The following PCDHGB1 variants were observed in gnomAD, a reference collection of about 807,000 sequenced individuals.
PCDHGB1 encodes the protein protocadherin gamma-B1.
PCDHGB1 carries 34 observed loss-of-function variants against 56.6 expected under a neutral mutation model. The ratio of observed to expected loss-of-function variants is 0.60; its 90% CI spans 0.46 to 0.80. The LOEUF is 0.80. Ranked by LOEUF, PCDHGB1 falls within the 30% of genes least tolerant of loss-of-function variation. PCDHGB1 has a pLI of 0.00. For missense variants in PCDHGB1, 1,278 were observed against 1,204.6 expected (o/e 1.06, Z -0.90); for synonymous variants, 561 against 505.9 (o/e 1.11, Z -1.46).
chr5:141,472,865 A>G (rs1329594490), intron 1 of PCDHGB1, among the ~76,000 whole-genome samples: 3 of 149,558 alleles, frequency 2.0e-5, no homozygotes, highest in Non-Finnish European at 4.5e-5. Flanking sequence ...ACATGCCTGT[A>G]TTCCCAGCTA....
At chr5:141,354,747 G>A (rs1295935407) in intron 1 of PCDHGB1, among the ~76,000 whole-genome samples, 1 of 152,038 alleles carries the variant, frequency 6.6e-6, no homozygotes, top group Non-Finnish European at 1.5e-5. Context: ...ACTGAAAAGA[G>A]GAAGAACACA....
chr5:141,483,620 A>G (rs192148102), intron 1 of PCDHGB1, among the ~76,000 whole-genome samples: 472 of 151,650 alleles, frequency 3.1e-3, no homozygotes, highest in Non-Finnish European at 5.0e-3. Context: ...CATCATTCCC[A>G]TGGGAGAAGG....
chr5:141,398,704 G>A (rs1044524998), intron 1 of PCDHGB1: 9 of 1,613,808 alleles, frequency 5.6e-6, no homozygotes, highest in Non-Finnish European at 7.6e-6. Flanking sequence ...TAAATACCCG[G>A]AACTGGCACT....
chr5:141,414,620 A>G, intron 1 of PCDHGB1: 4 of 1,613,938 alleles, frequency 2.5e-6, no homozygotes, highest in Non-Finnish European at 3.4e-6. Flanking sequence ...ACAGCGCTGG[A>G]CCCGGACAGC....
chr5:141,404,752 G>C, intron 1 of PCDHGB1: 1 of 1,614,010 alleles, frequency 6.2e-7, no homozygotes, highest in Non-Finnish European at 8.5e-7. Flanking sequence ...ACTCAGGCCA[G>C]AATGCTTGGC....
chr5:141,463,814 C>T (rs1359662651), intron 1 of PCDHGB1, among the ~76,000 whole-genome samples: 7 of 152,188 alleles, frequency 4.6e-5, no homozygotes, highest in African/African-American at 1.7e-4. Flanking sequence ...GCTTTTATCA[C>T]ACATTTTGAT....
chr5:141,420,076 T>A, intron 1 of PCDHGB1: 2 of 1,613,956 alleles, frequency 1.2e-6, no homozygotes, highest in Non-Finnish European at 1.7e-6. Context: ...GACCTGTGGG[T>A]CCCCCCAACT....
At chr5:141,418,373 C>T (rs936895178) in intron 1 of PCDHGB1, 1 of 1,614,006 alleles carries the variant, frequency 6.2e-7, no homozygotes, top group Non-Finnish European at 8.5e-7. Context: ...CAAATACCAA[C>T]TAAGTCCTAA....
intron 2 of PCDHGB1, among the ~76,000 whole-genome samples, chr5:141,499,298 C>A (rs1239333151): frequency 6.6e-6 from 1 of 152,210 alleles, no homozygotes; most frequent in African/African-American, 2.4e-5. Context: ...ACACTACCAT[C>A]CCTCCTCTGA....
intron 1 of PCDHGB1, chr5:141,366,197 A>G (rs1561536841): frequency 6.2e-7 from 1 of 1,613,780 alleles, no homozygotes. Context: ...TGGGCTGCAC[A>G]CGGGCGAGGT....
chr5:141,383,987 G>A (rs773186043), intron 1 of PCDHGB1: 70 of 1,613,612 alleles, frequency 4.3e-5, no homozygotes, highest in Admixed American at 3.3e-5. Context: ...ACACCTCTTG[G>A]GACAGTCATT....
At chr5:141,382,874 GC>G in intron 1 of PCDHGB1, 1 of 1,523,072 alleles carries the variant, frequency 6.6e-7, no homozygotes, top group Non-Finnish European at 8.8e-7. Context: ...CGAGATCGGC[GC>G]CTAAGCAAGA....
chr5:141,464,138 G>A (rs62379197), intron 1 of PCDHGB1, among the ~76,000 whole-genome samples: 42,814 of 151,688 alleles, frequency 0.28, 6,814 homozygotes, highest in African/African-American at 0.44. Context: ...GGTGGTGGGC[G>A]CCTGTAGTCC....
chr5:141,414,550 G>A (rs773044624), intron 1 of PCDHGB1: 1 of 1,613,948 alleles, frequency 6.2e-7, no homozygotes, highest in East Asian at 2.2e-5. Flanking sequence ...CTTCTCTCAA[G>A]TCTCCTACTT....
At chr5:141,463,738 G>C (rs1002263384) in intron 1 of PCDHGB1, among the ~76,000 whole-genome samples, 1 of 151,978 alleles carries the variant, frequency 6.6e-6, no homozygotes, top group East Asian at 1.9e-4. Flanking sequence ...GAGCCACCGC[G>C]CCCGGCCTGC....
At chr5:141,389,236 C>G (rs1360916753) in intron 1 of PCDHGB1, 1 of 1,614,054 alleles carries the variant, frequency 6.2e-7, no homozygotes, top group Non-Finnish European at 8.5e-7. Context: ...CCGGTTTTCT[C>G]ACAGTCTTCC....
chr5:141,502,514 T>A (rs2099814743), intron 2 of PCDHGB1, among the ~76,000 whole-genome samples: 1 of 152,202 alleles, frequency 6.6e-6, no homozygotes, highest in African/African-American at 2.4e-5. Flanking sequence ...TGTCCCACTA[T>A]CAGTGATGCC....
At chr5:141,361,005 C>T (rs371836659) in intron 1 of PCDHGB1, 3 of 1,613,186 alleles carry the variant, frequency 1.9e-6, no homozygotes, top group Non-Finnish European at 2.5e-6. Context: ...AAGTGAAACA[C>T]TTTTTCAACT....
intron 1 of PCDHGB1, chr5:141,408,083 C>G (rs1045548793): frequency 3.5e-6 from 5 of 1,414,460 alleles, no homozygotes; most frequent in Non-Finnish European, 4.7e-6. Context: ...CCCAGCACAG[C>G]GGATTGCCAG....
Sources: allele counts gnomAD v4.1 joint callset (sites outside exome capture counted in the v4.1 genomes callset), GRCh38; gene constraint gnomAD v4.1.1; transcripts MANE v1.5; gene names NCBI Gene and HGNC (gene_info 2026-07-23, HGNC 2026-07-21).